The following RCAN1 variants were observed in gnomAD, a reference collection of about 807,000 sequenced individuals.
RCAN1 encodes calcipressin-1.
A neutral mutation model predicts 22.9 loss-of-function variants in RCAN1; 11 were observed. That is an observed-to-expected ratio of 0.48 (90% confidence interval 0.30 to 0.79). The LOEUF (loss-of-function observed/expected upper bound fraction) is 0.79. Among genes scored for constraint, RCAN1 ranks in the 30% least tolerant of loss-of-function variants. The probability of loss-of-function intolerance (pLI) is 0.06; values close to 1 mark genes in which losing one functional copy is unlikely to be tolerated. For missense variants in RCAN1, 291 were observed against 337.8 expected (o/e 0.86, Z 1.09); for synonymous variants, 136 against 142.3 (o/e 0.96, Z 0.32).
chr21:34,525,740 CTACTT>C (rs1984999726), intron 1 of RCAN1: 2 of 171,980 alleles, frequency 1.2e-5, no homozygotes, highest in African/African-American at 4.7e-5. Flanking sequence ...GATGGCATCT[CTACTT>C]CATTTAAAAA....
chr21:34,544,486 T>G (rs1986054562), intron 1 of RCAN1, among the ~76,000 whole-genome samples: 2 of 152,170 alleles, frequency 1.3e-5, no homozygotes, highest in South Asian at 4.1e-4. Context: ...TTGTTAACCT[T>G]GAGCAGAGAA....
Position 34,530,630 on chromosome 21 carries a change from T to TGTTG in RCAN1, c.253-6921_253-6920insCAAC, listed in dbSNP as rs1555856721. On this transcript the variant is annotated intron_variant, in intron 1 of 3. Transcript: ENST00000313806. ...ATAGTGAAATAGTTTTTTTTTTTTTTTTTTTTTTTTTTTGAGACAGTTTTG... is the reference window on the plus strand; with the variant it reads ...ATAGTGAAATAGTTTTTTTTTTTTTTGTTGTTTTTTTTTTTTTGAGACAGTTTTG... Among the ~76,000 whole-genome samples the TGTTG allele has an allele frequency of 1.7e-3, 166 of 95,612 alleles. 1 individual carries two copies. The South Asian group carries it at 0.019, about 11-fold the overall frequency. 62.7% of individuals were successfully genotyped at this position (95,612 alleles called of 152,430 possible). A position where few individuals can be genotyped will look rare whatever the true frequency, so the allele number is the denominator to read the frequency against.
chr21:34,556,657 G>C (rs184848027), intron 1 of RCAN1, among the ~76,000 whole-genome samples: 4 of 152,034 alleles, frequency 2.6e-5, no homozygotes, highest in African/African-American at 9.7e-5. Flanking sequence ...GTTTATTTTT[G>C]CAATCATTGT....
intron 2 of RCAN1, chr21:34,523,242 G>A: frequency 3.0e-6 from 1 of 329,534 alleles, no homozygotes; most frequent in South Asian, 3.8e-5. Flanking sequence ...TGTTTGCATA[G>A]CCACGCCTAC....
intron 1 of RCAN1, among the ~76,000 whole-genome samples, chr21:34,596,903 C>T (rs556027694): frequency 2.0e-4 from 31 of 152,242 alleles, no homozygotes; most frequent in African/African-American, 6.7e-4. Flanking sequence ...CTGTGCTGTG[C>T]GTTGGTCTGC....
chr21:34,585,765 C>T (rs1312347383), intron 1 of RCAN1, among the ~76,000 whole-genome samples: 1 of 104,294 alleles, frequency 9.6e-6, no homozygotes, highest in Non-Finnish European at 2.1e-5. Context: ...AAAAAAAAAA[C>T]ATAATTCAAA....
At position 34,614,405 on chromosome 21, in the gene RCAN1, C is replaced by G; in HGVS notation, c.252+355G>C. 2.0e-6 allele frequency: 2 copies of G among 998,962 alleles called. No homozygotes were observed. The highest frequency in any genetic ancestry group is 2.4e-6 in the Non-Finnish European group (2 of 838,968). 61.9% of individuals were successfully genotyped at this position (998,962 alleles called of 1,614,324 possible). A position where few individuals can be genotyped will look rare whatever the true frequency, so the allele number is the denominator to read the frequency against. On this transcript the variant is annotated intron_variant, in intron 1 of 3. Transcript: ENST00000313806. The surrounding 1 kb of genome is among the most constrained non-coding windows in gnomAD (Gnocchi z 6.0). Reference sequence around the variant, plus strand: ...TCCCTAGGAATGAGGTGACCCCCTCCTCCAGCGAGTAAATGCGGGGCGATG... The same window carrying G: ...TCCCTAGGAATGAGGTGACCCCCTCGTCCAGCGAGTAAATGCGGGGCGATG...
chr21:34,583,665 G>A (rs370229345), intron 1 of RCAN1, among the ~76,000 whole-genome samples: 16 of 152,294 alleles, frequency 1.1e-4, no homozygotes, highest in East Asian at 3.9e-4. Context: ...CCATGATCTC[G>A]GACTTCCAGC....
At chr21:34,613,727 C>G in intron 1 of RCAN1, 1 of 1,453,478 alleles carries the variant, frequency 6.9e-7, no homozygotes, top group Non-Finnish European at 9.2e-7. Context: ...AAGCACACGG[C>G]CATTGTAATT....
intron 1 of RCAN1, among the ~76,000 whole-genome samples, chr21:34,565,354 G>C (rs1355627426): frequency 6.6e-6 from 1 of 152,228 alleles, no homozygotes; most frequent in Non-Finnish European, 1.5e-5. Flanking sequence ...AGTTTGAGAA[G>C]TGCTAACTAA....
intron 1 of RCAN1, among the ~76,000 whole-genome samples, chr21:34,590,499 CA>C (rs1987936035): frequency 6.6e-6 from 1 of 152,246 alleles, no homozygotes; most frequent in Admixed American, 6.5e-5. Flanking sequence ...TGGAGACCTA[CA>C]GGCAAAAAAA....
chr21:34,592,091 C>T (rs1199103587), intron 1 of RCAN1, among the ~76,000 whole-genome samples: 1 of 152,240 alleles, frequency 6.6e-6, no homozygotes, highest in African/African-American at 2.4e-5. Flanking sequence ...CTTATCAAAA[C>T]TCCCTGTGCT....
intron 1 of RCAN1, among the ~76,000 whole-genome samples, chr21:34,542,548 C>T (rs1251787490): frequency 3.0e-4 from 1 of 3,340 alleles, no homozygotes; most frequent in Non-Finnish European, 5.0e-4. Context: ...ACCCTCCAGT[C>T]GCCAGCCAAG....
At chr21:34,585,159 A>C (rs1397977322) in intron 1 of RCAN1, among the ~76,000 whole-genome samples, 1 of 152,236 alleles carries the variant, frequency 6.6e-6, no homozygotes, top group East Asian at 1.9e-4. Context: ...ATTTAAGGTA[A>C]TAATCACTTA....
At chr21:34,591,991 A>G (rs888777224) in intron 1 of RCAN1, among the ~76,000 whole-genome samples, 1 of 152,230 alleles carries the variant, frequency 6.6e-6, no homozygotes, top group Non-Finnish European at 1.5e-5. Flanking sequence ...TTTGTCAGTC[A>G]TGCCTTAAGA....
In RCAN1 at chr21:34,614,592, G is replaced by T. The variant is rs531385004; in HGVS notation, c.252+168C>A. 1.0e-6 allele frequency: 1 copy of T among 1,000,396 alleles called. No individual in the cohort carries two copies. The highest frequency in any genetic ancestry group is 1.2e-6 in the Non-Finnish European group (1 of 811,370). 62.0% of individuals were successfully genotyped at this position (1,000,396 alleles called of 1,614,324 possible). ...GCTAGGGGACCGGGACCCTCGGGGCGCCGTCCCCACGCCCCAGCCCTGACG... is the reference window on the plus strand; with the variant it reads ...GCTAGGGGACCGGGACCCTCGGGGCTCCGTCCCCACGCCCCAGCCCTGACG... On this transcript the variant is annotated intron_variant, in intron 1 of 3. Transcript: ENST00000313806. The surrounding 1 kb of genome is among the most constrained non-coding windows in gnomAD (Gnocchi z 6.0).
At chr21:34,578,785 G>A (rs930804736) in intron 1 of RCAN1, among the ~76,000 whole-genome samples, 1 of 152,098 alleles carries the variant, frequency 6.6e-6, no homozygotes, top group Non-Finnish European at 1.5e-5. Context: ...AAGTGGTCTC[G>A]GTTGCTCTAA....
intron 1 of RCAN1, among the ~76,000 whole-genome samples, chr21:34,549,841 G>A (rs1986298527): frequency 1.3e-5 from 2 of 152,066 alleles, no homozygotes; most frequent in Admixed American, 1.3e-4. Context: ...ACACCTACAG[G>A]CACTGACCAT....
Position 34,614,405 on chromosome 21 carries a change from C to T in RCAN1, c.252+355G>A. 4 of 998,962 alleles carry T rather than the reference C, an allele frequency of 4.0e-6. No individual in the cohort carries two copies. The highest frequency in any genetic ancestry group is 4.8e-6 in the Non-Finnish European group (4 of 838,968). 61.9% of individuals were successfully genotyped at this position (998,962 alleles called of 1,614,324 possible). A position where few individuals can be genotyped will look rare whatever the true frequency, so the allele number is the denominator to read the frequency against. The stretch of plus-strand genomic sequence containing the variant: ...TCCCTAGGAATGAGGTGACCCCCTC[C>T]TCCAGCGAGTAAATGCGGGGCGATG... On this transcript the variant is annotated intron_variant, in intron 1 of 3. Coordinates refer to ENST00000313806, the MANE Select transcript of RCAN1 (RefSeq NM_004414.7). This position sits in a 1 kb window ranked among gnomAD's most constrained non-coding sequence, Gnocchi z 6.0.
Sources: gnomAD v4.1 joint callset for allele counts (sites outside exome capture counted in the v4.1 genomes callset) on GRCh38, gnomAD v4.1.1 for gene constraint, Gnocchi (gnomAD v3.1) non-coding constraint, MANE v1.5 for transcripts, NCBI Gene and HGNC (gene_info 2026-07-23, HGNC 2026-07-21) for gene names.